PTPRD: variants seen among roughly 807,000 people sequenced by gnomAD.
PTPRD encodes the protein receptor-type tyrosine-protein phosphatase delta.
A neutral mutation model predicts 214.5 loss-of-function variants in PTPRD; 34 were observed. The observed-to-expected ratio is 0.16, with a 90% CI of 0.12 to 0.21. PTPRD has a LOEUF of 0.21. Among genes scored for constraint, PTPRD ranks in the 10% least tolerant of loss-of-function variants. PTPRD has a pLI of 1.00. For missense variants in PTPRD, 2,545 were observed against 2,398.7 expected, an observed-to-expected ratio of 1.06 and a Z score of -1.27; for synonymous variants, 1,128 against 845.7, an observed-to-expected ratio of 1.33 and a Z score of -5.79.
chr9:9,223,137 G>T (rs982431310), intron 9 of PTPRD, among the ~76,000 whole-genome samples: 1 of 151,958 alleles, frequency 6.6e-6, no homozygotes, highest in Non-Finnish European at 1.5e-5. Context: ...TAGATCCCCA[G>T]CTTGTTTATA....
At chr9:9,311,771 C>T (rs921957503) in intron 9 of PTPRD, among the ~76,000 whole-genome samples, 5 of 152,130 alleles carry the variant, frequency 3.3e-5, no homozygotes, top group African/African-American at 1.2e-4. Context: ...AATCACTCTC[C>T]TCTGTTTGAA....
At chr9:10,584,990 G>T (rs952905077) in intron 2 of PTPRD, among the ~76,000 whole-genome samples, 1 of 151,980 alleles carries the variant, frequency 6.6e-6, no homozygotes, top group Non-Finnish European at 1.5e-5. Context: ...GCTTTCAGAC[G>T]ATAAATAACT....
intron 6 of PTPRD, among the ~76,000 whole-genome samples, chr9:9,741,055 A>G (rs1286830724): frequency 6.6e-6 from 1 of 152,208 alleles, no homozygotes; most frequent in Non-Finnish European, 1.5e-5. Flanking sequence ...GATAAGGCAA[A>G]GAAGATTTTG....
intron 6 of PTPRD, among the ~76,000 whole-genome samples, chr9:9,736,723 A>T (rs902134127): frequency 6.6e-6 from 1 of 152,026 alleles, no homozygotes; most frequent in African/African-American, 2.4e-5. Context: ...TTTATTAGTC[A>T]TACACATGTG....
intron 2 of PTPRD, among the ~76,000 whole-genome samples, chr9:10,536,792 ACTC>A (rs1322206035): frequency 3.3e-5 from 5 of 152,102 alleles, no homozygotes; most frequent in African/African-American, 9.7e-5. Context: ...ATACCTCAGA[ACTC>A]CTCTTCTTCT....
chr9:8,856,683 C>A (rs926451881), intron 11 of PTPRD, among the ~76,000 whole-genome samples: 4 of 152,102 alleles, frequency 2.6e-5, no homozygotes, highest in African/African-American at 9.7e-5. Context: ...TGGCAAGTAG[C>A]GTACTGGGAG....
intron 9 of PTPRD, among the ~76,000 whole-genome samples, chr9:9,376,077 T>A (rs539588821): frequency 8.2e-6 from 1 of 121,238 alleles, no homozygotes; most frequent in South Asian, 2.5e-4. Context: ...TTGCTCATCA[T>A]TATTATTTAG....
intron 5 of PTPRD, among the ~76,000 whole-genome samples, chr9:9,784,833 T>C: frequency 6.8e-6 from 1 of 146,902 alleles, no homozygotes; most frequent in South Asian, 2.2e-4. Context: ...GATATATGTA[T>C]GATGTCTTAA....
intron 12 of PTPRD, among the ~76,000 whole-genome samples, chr9:8,687,680 A>G (rs72700356): frequency 0.017 from 2,594 of 151,176 alleles, 35 homozygotes; most frequent in African/African-American, 0.035. Context: ...TGTGGAATGG[A>G]AAAAAGGCAA....
chr9:10,323,807 T>C (rs2096597593), intron 3 of PTPRD, among the ~76,000 whole-genome samples: 1 of 152,054 alleles, frequency 6.6e-6, no homozygotes, highest in Non-Finnish European at 1.5e-5. Flanking sequence ...GTGTATTATT[T>C]ATTCCACATT....
intron 9 of PTPRD, among the ~76,000 whole-genome samples, chr9:9,332,620 C>T (rs554937317): frequency 5.3e-5 from 8 of 151,210 alleles, no homozygotes; most frequent in African/African-American, 1.9e-4. Context: ...GAGTCTCTCC[C>T]CAGGATTACG....
chr9:9,346,744 G>A (rs1248886574), intron 9 of PTPRD, among the ~76,000 whole-genome samples: 1 of 151,848 alleles, frequency 6.6e-6, no homozygotes, highest in East Asian at 1.9e-4. Flanking sequence ...CCAGGCTGGA[G>A]TGCAATGGCT....
chr9:10,177,687 C>T (rs1298853580), intron 3 of PTPRD, among the ~76,000 whole-genome samples: 1 of 151,838 alleles, frequency 6.6e-6, no homozygotes, highest in Non-Finnish European at 1.5e-5. Context: ...GTAGAATTAG[C>T]AGGACTTAAT....
At chr9:9,869,222 T>C (rs907836725) in intron 5 of PTPRD, among the ~76,000 whole-genome samples, 7 of 152,176 alleles carry the variant, frequency 4.6e-5, no homozygotes, top group Non-Finnish European at 8.8e-5. Flanking sequence ...GCTGCAAATA[T>C]TCATGTGATC....
intron 11 of PTPRD, among the ~76,000 whole-genome samples, chr9:8,888,907 G>A (rs1357545175): frequency 2.0e-5 from 3 of 152,146 alleles, no homozygotes; most frequent in African/African-American, 7.2e-5. Flanking sequence ...TAACAACCCT[G>A]AGCTTTATTT....
At chr9:10,605,898 A>G (rs990922015) in intron 2 of PTPRD, among the ~76,000 whole-genome samples, 16 of 151,876 alleles carry the variant, frequency 1.1e-4, no homozygotes, top group African/African-American at 3.6e-4. Flanking sequence ...CGTATTATGC[A>G]TATTGCATAA....
chr9:10,224,277 T>A (rs2099581344), intron 3 of PTPRD, among the ~76,000 whole-genome samples: 1 of 151,772 alleles, frequency 6.6e-6, no homozygotes, highest in Non-Finnish European at 1.5e-5. Flanking sequence ...ATGCGCAGAT[T>A]AGTCAAATAA....
chr9:10,390,062 A>AT (rs952232235), intron 2 of PTPRD, among the ~76,000 whole-genome samples: 113 of 151,974 alleles, frequency 7.4e-4, no homozygotes, highest in African/African-American at 2.7e-3. Context: ...ATTGCAATTA[A>AT]TTTTTTGATA....
intron 11 of PTPRD, among the ~76,000 whole-genome samples, chr9:8,957,461 T>C (rs778680572): frequency 6.6e-6 from 1 of 151,930 alleles, no homozygotes; most frequent in South Asian, 2.1e-4. Flanking sequence ...TCTGTTCTGT[T>C]TTTGAAATGC....
Sources: allele counts gnomAD v4.1 joint callset (sites outside exome capture counted in the v4.1 genomes callset), GRCh38; gene constraint gnomAD v4.1.1; transcripts MANE v1.5; gene names NCBI Gene and HGNC (gene_info 2026-07-23, HGNC 2026-07-21).